Variants in MYO18A observed in about 807,000 individuals in gnomAD.
MYO18A encodes the protein unconventional myosin-XVIIIa.
In MYO18A, 78 loss-of-function variants were observed where a neutral mutation model predicts 235.8. That is an observed-to-expected ratio of 0.33 (90% CI 0.28 to 0.40). MYO18A has a LOEUF of 0.40. Ranked by LOEUF, MYO18A falls within the 10% of genes least tolerant of loss-of-function variation. The pLI is 1.00. For synonymous variants in MYO18A, 977 were observed against 1,077.8 expected, an observed-to-expected ratio of 0.91 and a Z score of 1.83; for missense variants, 2,215 against 2,699.3, an observed-to-expected ratio of 0.82 and a Z score of 3.98.
chr17:29,167,761 C>T (rs371707708), intron 1 of MYO18A, among the ~76,000 whole-genome samples: 2 of 152,082 alleles, frequency 1.3e-5, no homozygotes, highest in East Asian at 1.9e-4. Context: ...GCAACATCAC[C>T]TCCCACAGAC....
At position 29,073,890 on chromosome 17, in the gene MYO18A, C is replaced by T; in HGVS notation, c.*880G>A. The T allele has an allele frequency of 1.9e-6, 3 of 1,607,512 alleles. No homozygotes were observed. Among genetic ancestry groups the T allele is most frequent in the Non-Finnish European group, 2.6e-6 (3 of 1,174,478 alleles). ...TTCCCTCTCAAGTTGAGTTTATGGT[C>T]CAGACCACCTGGACAGAGCAGGAGG... On this transcript the variant is annotated 3_prime_UTR_variant, in exon 42 of 42. Coordinates refer to ENST00000527372, the MANE Select transcript of MYO18A (RefSeq NM_078471.4).
intron 2 of MYO18A, among the ~76,000 whole-genome samples, chr17:29,156,728 C>CT (rs1470986116): frequency 6.6e-6 from 1 of 152,228 alleles, no homozygotes; most frequent in Non-Finnish European, 1.5e-5. Context: ...TAATTACCAT[C>CT]TTGTGAATGC....
intron 2 of MYO18A, chr17:29,165,616 G>A (rs1227756785): frequency 9.9e-6 from 3 of 302,668 alleles, no homozygotes; most frequent in East Asian, 7.0e-5. Flanking sequence ...GAATTCTACT[G>A]CAGTGAACCT....
chr17:29,169,980 G>A (rs573982000), intron 1 of MYO18A, among the ~76,000 whole-genome samples: 4 of 152,152 alleles, frequency 2.6e-5, no homozygotes, highest in Non-Finnish European at 4.4e-5. Context: ...GACAGCAGAC[G>A]GTCACAGCAG....
chr17:29,167,033 AAC>A lies in MYO18A; in HGVS notation c.-81-14_-81-13del, dbSNP rs1282363663. The stretch of plus-strand genomic sequence containing the variant: ...GCCCCACTTTGCTGCTGCAAACAGA[AAC>A]ACACAGAGAGAAAGGTTATTCGAAC... On this transcript the variant is annotated splice_polypyrimidine_tract_variant and intron_variant, in intron 1 of 41. Transcript: ENST00000527372. 2.1e-6 allele frequency: 3 copies of A among 1,442,020 alleles called. No individual in the cohort carries two copies. Among genetic ancestry groups the A allele is most frequent in the South Asian group, 1.5e-5 (1 of 66,586 alleles). 89.3% of individuals were successfully genotyped at this position (1,442,020 alleles called of 1,614,324 possible).
chr17:29,109,912 G>C lies in MYO18A; in HGVS notation c.3277C>G (p.Arg1093Gly). The change falls in exon 19 of 42, where the codon CGC becomes GGC. Residue 1093 changes from arginine to glycine, a missense_variant. Arg to Gly is a moderately radical substitution (Grantham distance 125, BLOSUM62 -2). Transcript: ENST00000527372. The surrounding 1 kb of genome is among the most constrained non-coding windows in gnomAD (Gnocchi z 4.1). Reference sequence around the variant, plus strand: ...AGGCGGGAGCCGCGGAGCTGGGTGCGGAGCAGGGGCACGTCGAGCTGCAGG... The same window carrying C: ...AGGCGGGAGCCGCGGAGCTGGGTGCCGAGCAGGGGCACGTCGAGCTGCAGG... The part of the protein sequence containing the change: ...GLLQLDVPLL[R>G]TQLRGSRLLD... 2 of 1,587,996 alleles carry C rather than the reference G, an allele frequency of 1.3e-6. No individual in the cohort carries two copies. The highest frequency in any genetic ancestry group is 1.7e-6 in the Non-Finnish European group (2 of 1,167,416).
rs552588640 is a variant in MYO18A, at chr17:29,111,874, G to A, written c.2599-11C>T. 3.2e-5 allele frequency: 52 copies of A among 1,603,652 alleles called. 1 individual carries two copies. The African/African-American group carries it at 3.8e-4, about 12-fold the overall frequency. ...GGCCAGCGAGCGGACCTACAGAGAA[G>A]GAAGGAAATCCCTCCTTGTCATATG... On this transcript the variant is annotated splice_polypyrimidine_tract_variant and intron_variant, in intron 15 of 41. Coordinates refer to ENST00000527372, the MANE Select transcript of MYO18A (RefSeq NM_078471.4). This position sits in a 1 kb window ranked among gnomAD's most constrained non-coding sequence, Gnocchi z 5.1.
Position 29,074,989 on chromosome 17 carries a change from G to T in MYO18A, c.6021-75C>A. The T allele has an allele frequency of 6.4e-7, 1 of 1,572,706 alleles. No individual in the cohort carries two copies. On this transcript the variant is annotated intron_variant, in intron 41 of 41. Coordinates refer to ENST00000527372, the MANE Select transcript of MYO18A (RefSeq NM_078471.4). This position sits in a 1 kb window ranked among gnomAD's most constrained non-coding sequence, Gnocchi z 4.4. ...AAGCACGCACGCCTTTGGTTCTGGA[G>T]GCCCACAAAGCTGCGTCAGAGCACT...
intron 2 of MYO18A, among the ~76,000 whole-genome samples, chr17:29,141,968 G>A (rs2067748957): frequency 6.6e-6 from 1 of 151,934 alleles, no homozygotes; most frequent in African/African-American, 2.4e-5. Context: ...TTTTTGAGAC[G>A]GAGTCTCGCT....
Position 29,111,849 on chromosome 17 carries a change from G to A in MYO18A, c.2613C>T (p.Ala871=). ...GCAGGCCCCTCGCCTCGTCTGTGCG[G>A]GCCAGCGAGCGGACCTACAGAGAAG... is the stretch of plus-strand genomic sequence containing the variant. ...ASHQSLVRSL[A]RTDEARGLLW... Residue 871 remains alanine, a synonymous_variant, in exon 16 of 42, where the codon GCC becomes GCT. Transcript: ENST00000527372. This position sits in a 1 kb window ranked among gnomAD's most constrained non-coding sequence, Gnocchi z 5.1. 1 of 1,612,402 alleles carries A rather than the reference G, an allele frequency of 6.2e-7. No individual in the cohort carries two copies. The highest frequency in any genetic ancestry group is 1.1e-5 in the South Asian group (1 of 90,966).
intron 2 of MYO18A, among the ~76,000 whole-genome samples, chr17:29,153,798 C>T (rs2068005266): frequency 6.6e-6 from 1 of 152,138 alleles, no homozygotes; most frequent in African/African-American, 2.4e-5. Flanking sequence ...ATGAGAGCAG[C>T]AGTTTTGGGA....
chr17:29,177,232 C>A (rs1200662870), intron 1 of MYO18A, among the ~76,000 whole-genome samples: 1 of 152,190 alleles, frequency 6.6e-6, no homozygotes, highest in Non-Finnish European at 1.5e-5. Context: ...TGCTGTGTGA[C>A]CTTCAGCCCA....
At chr17:29,163,223 G>A (rs1381466940) in intron 2 of MYO18A, among the ~76,000 whole-genome samples, 1 of 152,218 alleles carries the variant, frequency 6.6e-6, no homozygotes, top group African/African-American at 2.4e-5. Context: ...AAGACAGGGA[G>A]TAGGAGGAGT....
chr17:29,085,051 G>T (rs1014168556), intron 40 of MYO18A, among the ~76,000 whole-genome samples: 2 of 152,202 alleles, frequency 1.3e-5, no homozygotes, highest in African/African-American at 4.8e-5. Context: ...CCCCCGCCAC[G>T]GCAAGCAGCC....
chr17:29,102,679 G>A (rs1379540769), intron 21 of MYO18A, among the ~76,000 whole-genome samples: 1 of 152,178 alleles, frequency 6.6e-6, no homozygotes, highest in East Asian at 1.9e-4. Flanking sequence ...AGCAAAGATG[G>A]GAAGACGCAA....
chr17:29,080,216 G>A, intron 41 of MYO18A: 2 of 986,018 alleles, frequency 2.0e-6, no homozygotes, highest in Non-Finnish European at 2.4e-6. Flanking sequence ...TCGGGCTCCA[G>A]GCTGCTCCGC....
chr17:29,090,968 T>G lies in MYO18A; in HGVS notation c.5188-42A>C, dbSNP rs1439956248. 10 of 1,544,604 alleles carry G rather than the reference T, an allele frequency of 6.5e-6. No individual in the cohort carries two copies. In the South Asian group the frequency reaches 1.1e-4, roughly 17 times the overall value. ...ACAGATCAGAGGGCCTCAGGCCCAG[T>G]GTGCCTGTGGGCTCCAGCTGCCTCC... On this transcript the variant is annotated intron_variant, in intron 34 of 41. Transcript: ENST00000527372.
At chr17:29,100,079 C>T (rs984879863) in intron 21 of MYO18A, among the ~76,000 whole-genome samples, 4 of 152,186 alleles carry the variant, frequency 2.6e-5, no homozygotes, top group African/African-American at 9.6e-5. Flanking sequence ...AGTCATTGGT[C>T]AAACAGGGAG....
intron 27 of MYO18A, 133 bp downstream of exon 27, chr17:29,097,087 CAAG>C (rs1202841494): frequency 7.0e-7 from 1 of 1,431,762 alleles, no homozygotes; most frequent in Non-Finnish European, 9.3e-7. Flanking sequence ...GCCCCTGCAC[CAAG>C]AAGCTAACAT....
Sources: allele counts gnomAD v4.1 joint callset (sites outside exome capture counted in the v4.1 genomes callset), GRCh38; gene constraint gnomAD v4.1.1; non-coding constraint Gnocchi (gnomAD v3.1); transcripts MANE v1.5; gene names NCBI Gene and HGNC (gene_info 2026-07-23, HGNC 2026-07-21).